Variants in PID1 observed in about 807,000 individuals in gnomAD.
PID1 encodes the protein PTB-containing, cubilin and LRP1-interacting protein.
In PID1, 10 loss-of-function variants were observed where a neutral mutation model predicts 19.1. The ratio of observed to expected loss-of-function variants is 0.52; its 90% confidence interval spans 0.32 to 0.89. The LOEUF (loss-of-function observed/expected upper bound fraction) is 0.89, where lower values mean the gene tolerates loss of function less well. PID1 is among the 40% of genes least tolerant of loss of function. The pLI, the probability that PID1 is intolerant of heterozygous loss-of-function variation, is 0.03. For missense variants in PID1, 248 were observed against 285.3 expected, an observed-to-expected ratio of 0.87 and a Z score of 0.94; for synonymous variants, 130 against 116.0, an observed-to-expected ratio of 1.12 and a Z score of -0.78.
chr2:229,083,686 G>T (rs1229682889), intron 2 of PID1, among the ~76,000 whole-genome samples: 1 of 152,162 alleles, frequency 6.6e-6, no homozygotes, highest in Admixed American at 6.5e-5. Flanking sequence ...CTCTTGGTTT[G>T]ATGAGAGTGA....
rs1690367951 is a variant in PID1 at position 229,156,093 on chromosome 2, T to C, written c.31-129A>G. The stretch of plus-strand genomic sequence containing the variant: ...CTATTAGGGGAGGCCAAGAGATATT[T>C]AGTAAAACAGAGGAGGGGGAACTGT... On this transcript the variant is annotated intron_variant, in intron 1 of 2. Coordinates refer to ENST00000392055, the MANE Select transcript of PID1 (RefSeq NM_001100818.2). 4.0e-6 allele frequency: 3 copies of C among 744,436 alleles called. No homozygotes were observed. In the East Asian group the frequency reaches 8.1e-5, roughly 20 times the overall value. 46.1% of individuals were successfully genotyped at this position (744,436 alleles called of 1,614,324 possible).
chr2:229,099,786 T>C (rs939788369), intron 2 of PID1, among the ~76,000 whole-genome samples: 2 of 152,206 alleles, frequency 1.3e-5, no homozygotes, highest in Non-Finnish European at 2.9e-5. Flanking sequence ...ACCTCATTGA[T>C]TTCACTCACT....
intron 1 of PID1, among the ~76,000 whole-genome samples, chr2:229,219,509 G>A (rs1691919109): frequency 6.6e-6 from 1 of 152,118 alleles, no homozygotes; most frequent in African/African-American, 2.4e-5. Flanking sequence ...GGGATTATGG[G>A]AACGACAGTT....
intron 1 of PID1, among the ~76,000 whole-genome samples, chr2:229,260,345 T>C (rs1690424331): frequency 6.6e-6 from 1 of 151,894 alleles, no homozygotes; most frequent in Non-Finnish European, 1.5e-5. Flanking sequence ...AAATAAATTA[T>C]AGTCCAGCTT....
At chr2:229,072,735 T>C (rs1694482460) in intron 2 of PID1, among the ~76,000 whole-genome samples, 1 of 152,222 alleles carries the variant, frequency 6.6e-6, no homozygotes, top group African/African-American at 2.4e-5. Flanking sequence ...TGCTTCGCTG[T>C]TTTCAAAGCC....
At chr2:229,096,147 A>G (rs938161266) in intron 2 of PID1, among the ~76,000 whole-genome samples, 1 of 152,214 alleles carries the variant, frequency 6.6e-6, no homozygotes, top group Non-Finnish European at 1.5e-5. Context: ...TATTCCTATT[A>G]GAATTACACT....
intron 1 of PID1, among the ~76,000 whole-genome samples, chr2:229,161,647 C>G (rs1690495124): frequency 6.6e-6 from 1 of 152,062 alleles, no homozygotes; most frequent in African/African-American, 2.4e-5. Context: ...GATAAAGTAC[C>G]AATAATCTGA....
At chr2:229,154,043 G>A (rs1157797480) in intron 2 of PID1, among the ~76,000 whole-genome samples, 1 of 152,114 alleles carries the variant, frequency 6.6e-6, no homozygotes, top group Non-Finnish European at 1.5e-5. Context: ...AGCATTAAAT[G>A]TAATGTACCT....
At chr2:229,199,651 C>T (rs532269311) in intron 1 of PID1, among the ~76,000 whole-genome samples, 2 of 150,562 alleles carry the variant, frequency 1.3e-5, no homozygotes, top group South Asian at 4.2e-4. Context: ...TCCATGATTG[C>T]ATTTAAAGGA....
chr2:229,232,200 G>A (rs956244789), intron 1 of PID1: 9 of 1,274,306 alleles, frequency 7.1e-6, no homozygotes, highest in Non-Finnish European at 8.2e-6. Context: ...GAGACAGTCA[G>A]ATCATGAAGT....
chr2:229,197,184 C>G (rs1299200177), intron 1 of PID1, among the ~76,000 whole-genome samples: 2 of 152,116 alleles, frequency 1.3e-5, no homozygotes, highest in Non-Finnish European at 2.9e-5. Flanking sequence ...CTTTCCATAA[C>G]TGAGAAATGA....
intron 2 of PID1, among the ~76,000 whole-genome samples, chr2:229,036,246 C>T (rs1158333391): frequency 6.6e-6 from 1 of 152,200 alleles, no homozygotes; most frequent in East Asian, 1.9e-4. Context: ...TTGGTCTCAG[C>T]TCAGAGCAGG....
At chr2:229,109,687 T>A (rs1197793091) in intron 2 of PID1, among the ~76,000 whole-genome samples, 1 of 152,208 alleles carries the variant, frequency 6.6e-6, no homozygotes, top group African/African-American at 2.4e-5. Flanking sequence ...TTTGACATAA[T>A]CATATTTTAT....
chr2:229,033,806 C>T (rs1481718935), intron 2 of PID1, among the ~76,000 whole-genome samples: 2 of 152,270 alleles, frequency 1.3e-5, no homozygotes, highest in East Asian at 1.9e-4. Flanking sequence ...TCCTAATAGC[C>T]TTTGGGCTCC....
chr2:229,158,140 A>G (rs62190388), intron 1 of PID1, among the ~76,000 whole-genome samples: 15,310 of 152,266 alleles, frequency 0.1, 1,009 homozygotes, highest in South Asian at 0.24. Context: ...TAAATGTTTA[A>G]TTTTTCTTTA....
At chr2:229,265,553 T>C (rs963314081) in intron 1 of PID1, among the ~76,000 whole-genome samples, 4 of 152,208 alleles carry the variant, frequency 2.6e-5, no homozygotes. Context: ...TAAGGAGGTC[T>C]TTGGACAAAC....
intron 2 of PID1, among the ~76,000 whole-genome samples, chr2:229,065,703 T>C (rs2106196942): frequency 1.3e-5 from 1 of 78,170 alleles, no homozygotes; most frequent in South Asian, 4.1e-4. Context: ...ATGGGTCTTT[T>C]GTGATTTACA....
chr2:229,160,936 G>A (rs1446142076), intron 1 of PID1, among the ~76,000 whole-genome samples: 1 of 152,126 alleles, frequency 6.6e-6, no homozygotes, highest in Non-Finnish European at 1.5e-5. Context: ...ACCTGCTTCT[G>A]CTTTGGAACA....
intron 2 of PID1, among the ~76,000 whole-genome samples, chr2:229,120,959 C>T (rs1472074766): frequency 6.6e-6 from 1 of 152,070 alleles, no homozygotes; most frequent in East Asian, 1.9e-4. Flanking sequence ...TGACCTCCCA[C>T]CATATGATGC....
Sources: gnomAD v4.1 joint callset for allele counts (sites outside exome capture counted in the v4.1 genomes callset) on GRCh38, gnomAD v4.1.1 for gene constraint, MANE v1.5 for transcripts, NCBI Gene and HGNC (gene_info 2026-07-23, HGNC 2026-07-21) for gene names.